The following RFX3 variants were observed in gnomAD, a reference collection of about 807,000 sequenced individuals.
The protein encoded by RFX3 is regulatory factor X3, also known as transcription factor RFX3.
Under a neutral mutation model 98.6 loss-of-function variants are expected in RFX3, and 14 were observed. The observed-to-expected ratio is 0.14, with a 90% CI of 0.09 to 0.22. The LOEUF (loss-of-function observed/expected upper bound fraction) is 0.22. RFX3 is among the 10% of genes least tolerant of loss of function. RFX3 has a pLI of 1.00. For missense variants in RFX3, 639 were observed against 926.9 expected (o/e 0.69, Z 4.03); for synonymous variants, 383 against 328.4 (o/e 1.17, Z -1.80).
chr9:3,453,994 T>C (rs1316613664), intron 1 of RFX3, among the ~76,000 whole-genome samples: 1 of 152,204 alleles, frequency 6.6e-6, no homozygotes, highest in Non-Finnish European at 1.5e-5. Flanking sequence ...ATAATTTTAG[T>C]AAAAATACAA....
At position 3,315,969 on chromosome 9, in the gene RFX3, C is replaced by T. The variant is rs546818077; in HGVS notation, c.474+14290G>A. ...GTACAAAGAGGAGCTGGTACCATTC[C>T]TTCTGAAACTATTCCAATCAATAGA... On this transcript the variant is annotated intron_variant, in intron 4 of 16. Coordinates refer to ENST00000617270, the MANE Select transcript of RFX3 (RefSeq NM_001282116.2). Among the ~76,000 whole-genome samples the T allele has an allele frequency of 2.4e-3, 369 of 152,296 alleles. 1 individual carries two copies. The highest frequency in any genetic ancestry group is 8.4e-3 in the African/African-American group (347 of 41,546).
At chr9:3,263,196 T>C in intron 12 of RFX3, 112 bp from the exon 13 acceptor site, 1 of 1,081,206 alleles carries the variant, frequency 9.2e-7, no homozygotes, top group Non-Finnish European at 1.3e-6. Context: ...CTCTGACACT[T>C]ATTTAAAATT....
intron 1 of RFX3, among the ~76,000 whole-genome samples, chr9:3,475,851 G>C (rs1354155734): frequency 1.3e-5 from 2 of 152,118 alleles, no homozygotes; most frequent in Non-Finnish European, 2.9e-5. Flanking sequence ...CTCCCCTGGG[G>C]AAAGGGAGAC....
intron 4 of RFX3, among the ~76,000 whole-genome samples, chr9:3,327,260 C>A (rs2986676): frequency 0.41 from 63,004 of 151,852 alleles, 17,405 homozygotes; most frequent in African/African-American, 0.79. Flanking sequence ...TAGCATTTCT[C>A]ACATTTGGCA....
intron 4 of RFX3, among the ~76,000 whole-genome samples, chr9:3,312,033 C>A (rs989905746): frequency 2.1e-4 from 32 of 152,290 alleles, no homozygotes; most frequent in Non-Finnish European, 4.1e-4. Flanking sequence ...TAAGGTGCAA[C>A]TAATGGGTTA....
chr9:3,320,768 CATATAT>C (rs34990458), intron 4 of RFX3, among the ~76,000 whole-genome samples: 5,187 of 85,502 alleles, frequency 0.061, 166 homozygotes, highest in East Asian at 0.15. Flanking sequence ...TGCTACATAG[CATATAT>C]ATATATATAT....
chr9:3,369,491 A>G (rs1001257890), intron 2 of RFX3, among the ~76,000 whole-genome samples: 17 of 152,146 alleles, frequency 1.1e-4, no homozygotes, highest in African/African-American at 3.9e-4. Context: ...AGACCATAGA[A>G]ATTTCCAAAT....
At chr9:3,452,301 C>A (rs191003659) in intron 1 of RFX3, 9 of 217,892 alleles carry the variant, frequency 4.1e-5, no homozygotes, top group Non-Finnish European at 7.0e-5. Context: ...TTTAAAAAAA[C>A]AACTAATGGC....
intron 4 of RFX3, among the ~76,000 whole-genome samples, chr9:3,322,397 A>G (rs3012709): frequency 0.17 from 26,348 of 152,074 alleles, 2,352 homozygotes; most frequent in Middle Eastern, 0.23. Context: ...TGTTTCCATT[A>G]TATTTTCTAA....
chr9:3,511,829 T>C (rs1817689008), intron 1 of RFX3, among the ~76,000 whole-genome samples: 1 of 152,054 alleles, frequency 6.6e-6, no homozygotes, highest in South Asian at 2.1e-4. Flanking sequence ...TTGAATTCAA[T>C]TACTAAACAA....
At chr9:3,232,645 T>C (rs538036502) in intron 15 of RFX3, among the ~76,000 whole-genome samples, 7 of 152,284 alleles carry the variant, frequency 4.6e-5, no homozygotes, top group East Asian at 3.9e-4. Context: ...ACTTAGGAAT[T>C]TGGCAAGTTA....
At chr9:3,472,495 T>C (rs1379771618) in intron 1 of RFX3, among the ~76,000 whole-genome samples, 1 of 152,182 alleles carries the variant, frequency 6.6e-6, no homozygotes, top group Non-Finnish European at 1.5e-5. Flanking sequence ...TAATTTTTGT[T>C]CTAATTTTTG....
chr9:3,372,878 G>A (rs1020751044), intron 2 of RFX3, among the ~76,000 whole-genome samples: 9 of 152,022 alleles, frequency 5.9e-5, no homozygotes, highest in African/African-American at 2.2e-4. Context: ...GAGCCACTGT[G>A]CCTGGCCTCA....
intron 4 of RFX3, among the ~76,000 whole-genome samples, chr9:3,312,128 G>A (rs1563907225): frequency 6.6e-6 from 1 of 152,190 alleles, no homozygotes; most frequent in Non-Finnish European, 1.5e-5. Flanking sequence ...ACTGCACACA[G>A]TATGGATAAG....
At chr9:3,270,081 G>GGAAA (rs57222273) in intron 11 of RFX3, among the ~76,000 whole-genome samples, 2,646 of 137,780 alleles carry the variant, frequency 0.019, 81 homozygotes, top group African/African-American at 0.053. Flanking sequence ...AGAGAAAGAA[G>GGAAA]GAAAGAAAGA....
chr9:3,505,202 ATATATATATGAATATATATT>A (rs1221944846), intron 1 of RFX3, among the ~76,000 whole-genome samples: 1 of 52,024 alleles, frequency 1.9e-5, no homozygotes, highest in Non-Finnish European at 2.7e-5. Flanking sequence ...ATATATATTT[ATATATATATGAATATATATT>A]TATATATGAA....
chr9:3,377,941 T>C lies in RFX3; in HGVS notation c.117+17531A>G, dbSNP rs138291720. On this transcript the variant is annotated intron_variant, in intron 2 of 16. Transcript: ENST00000617270. Reference sequence around the variant, plus strand: ...CTTCTTAGTTAAAAATATTTACTTATAAATTATATACATGTTCTAGTGTAT... The same window carrying C: ...CTTCTTAGTTAAAAATATTTACTTACAAATTATATACATGTTCTAGTGTAT... 6.9e-3 allele frequency among the ~76,000 whole-genome samples: 1,048 copies of C among 152,292 alleles called. 5 individuals carry two copies. The highest frequency in any genetic ancestry group is 0.01 in the Non-Finnish European group (705 of 68,006).
chr9:3,359,832 TTAAAG>T (rs1343169969), intron 2 of RFX3, among the ~76,000 whole-genome samples: 1 of 152,152 alleles, frequency 6.6e-6, no homozygotes, highest in Non-Finnish European at 1.5e-5. Context: ...AGGTGAAATT[TTAAAG>T]TAAAGTTGCA....
At chr9:3,502,831 G>A (rs779976478) in intron 1 of RFX3, among the ~76,000 whole-genome samples, 2 of 152,006 alleles carry the variant, frequency 1.3e-5, no homozygotes, top group Non-Finnish European at 2.9e-5. Context: ...AAAAGCAATG[G>A]GAATAATAAG....
Sources: gnomAD v4.1 joint callset for allele counts (sites outside exome capture counted in the v4.1 genomes callset) on GRCh38, gnomAD v4.1.1 for gene constraint, MANE v1.5 for transcripts, NCBI Gene and HGNC (gene_info 2026-07-23, HGNC 2026-07-21) for gene names.